CSMD1: variants seen among roughly 807,000 people sequenced by gnomAD.
The protein encoded by CSMD1 is CUB and Sushi multiple domains 1.
CSMD1 carries 213 observed loss-of-function variants against 417.5 expected under a neutral mutation model. That is an observed-to-expected ratio of 0.51 (90% CI 0.46 to 0.57). The LOEUF (loss-of-function observed/expected upper bound fraction) is 0.57. Ranked by LOEUF, CSMD1 falls within the 20% of genes least tolerant of loss-of-function variation. The pLI, the probability that CSMD1 is intolerant of heterozygous loss-of-function variation, is 0.00. For missense variants in CSMD1, 6,923 were observed against 4,529.7 expected, an observed-to-expected ratio of 1.53 and a Z score of -15.17; for synonymous variants, 2,862 against 1,736.8, an observed-to-expected ratio of 1.65 and a Z score of -16.11.
chr8:3,520,810 C>T (rs543664060), intron 10 of CSMD1, among the ~76,000 whole-genome samples: 1 of 152,254 alleles, frequency 6.6e-6, no homozygotes, highest in East Asian at 1.9e-4. Context: ...AGGAAATCTC[C>T]ACTAGGAAAC....
intron 3 of CSMD1, among the ~76,000 whole-genome samples, chr8:4,350,331 G>A (rs142708227): frequency 9.2e-5 from 14 of 152,232 alleles, no homozygotes; most frequent in African/African-American, 3.4e-4. Context: ...ACACACCTGA[G>A]GGGCACACAA....
At chr8:4,988,964 CA>C (rs898754012) in intron 1 of CSMD1, among the ~76,000 whole-genome samples, 1 of 152,182 alleles carries the variant, frequency 6.6e-6, no homozygotes, top group Non-Finnish European at 1.5e-5. Flanking sequence ...ACCTCAGTAT[CA>C]AGGACTAAAG....
chr8:3,303,920 ATAATAACTATTTT>A (rs1804607752), intron 25 of CSMD1, among the ~76,000 whole-genome samples: 1 of 74,316 alleles, frequency 1.3e-5, no homozygotes, highest in South Asian at 6.2e-4. Flanking sequence ...GTGCCCCATA[ATAATAACTATTTT>A]GGGGTATTGC....
rs371375502 is a variant in CSMD1 at position 3,808,536 on chromosome 8, T to C, written c.819-54494A>G. Among the ~76,000 whole-genome samples the C allele has an allele frequency of 7.2e-5, 11 of 152,350 alleles. No individual in the cohort carries two copies. The East Asian group carries it at 9.7e-4, about 13-fold the overall frequency. ...AGCATGCTACCGTGGTGAATTTACA[T>C]GCAAAGTCTGTCTCTCTTTATGATA... On this transcript the variant is annotated intron_variant, in intron 5 of 69. Transcript: ENST00000635120.
intron 3 of CSMD1, among the ~76,000 whole-genome samples, chr8:4,402,112 T>C (rs1804685167): frequency 6.6e-6 from 1 of 152,088 alleles, no homozygotes; most frequent in Non-Finnish European, 1.5e-5. Flanking sequence ...GATGAACTTG[T>C]CTTCCATTCT....
At chr8:3,946,982 A>G (rs1811270890) in intron 5 of CSMD1, among the ~76,000 whole-genome samples, 1 of 152,186 alleles carries the variant, frequency 6.6e-6, no homozygotes, top group Admixed American at 6.5e-5. Context: ...CACATCATAT[A>G]AATAAATACG....
intron 68 of CSMD1, among the ~76,000 whole-genome samples, chr8:2,947,060 T>G (rs929722696): frequency 6.6e-6 from 1 of 152,228 alleles, no homozygotes; most frequent in African/African-American, 2.4e-5. Flanking sequence ...AATTTCTTAT[T>G]TAGGTTATTT....
intron 3 of CSMD1, among the ~76,000 whole-genome samples, chr8:4,264,800 A>G (rs1804137063): frequency 1.3e-5 from 2 of 152,180 alleles, no homozygotes. Flanking sequence ...GGACAAGTTA[A>G]TTCTTCTTGT....
chr8:4,205,978 C>G (rs994939369), intron 3 of CSMD1, among the ~76,000 whole-genome samples: 4 of 152,152 alleles, frequency 2.6e-5, no homozygotes, highest in Admixed American at 6.6e-5. Context: ...TTTCCATTCT[C>G]TCTACTTCAG....
chr8:3,383,686 T>G (rs531641663), intron 18 of CSMD1, among the ~76,000 whole-genome samples: 2 of 50,054 alleles, frequency 4.0e-5, no homozygotes, highest in South Asian at 9.3e-4. Flanking sequence ...GAACTGTATC[T>G]AAATATTTAC....
At chr8:4,045,101 G>C (rs1437861996) in intron 3 of CSMD1, among the ~76,000 whole-genome samples, 1 of 152,198 alleles carries the variant, frequency 6.6e-6, no homozygotes, top group Non-Finnish European at 1.5e-5. Flanking sequence ...GGGGCACAGG[G>C]AGACACTGAA....
chr8:4,063,176 T>C (rs1353956986), intron 3 of CSMD1, among the ~76,000 whole-genome samples: 2 of 152,146 alleles, frequency 1.3e-5, no homozygotes, highest in Non-Finnish European at 2.9e-5. Flanking sequence ...ATGTTGACAG[T>C]AATGGATATC....
intron 5 of CSMD1, among the ~76,000 whole-genome samples, chr8:3,834,692 G>T (rs903463245): frequency 6.6e-6 from 1 of 151,998 alleles, no homozygotes; most frequent in African/African-American, 2.4e-5. Flanking sequence ...CGTGTAGTTG[G>T]TGTCAAAAGT....
chr8:4,120,110 T>G (rs1802397058), intron 3 of CSMD1, among the ~76,000 whole-genome samples: 1 of 152,170 alleles, frequency 6.6e-6, no homozygotes, highest in South Asian at 2.1e-4. Flanking sequence ...GGACACCCCA[T>G]TATCCATGAT....
intron 3 of CSMD1, among the ~76,000 whole-genome samples, chr8:4,134,723 C>T (rs773087417): frequency 5.3e-5 from 8 of 152,192 alleles, no homozygotes; most frequent in Non-Finnish European, 8.8e-5. Context: ...CCTCTTACTA[C>T]AAGAGTCTCC....
At chr8:3,103,853 C>T (rs1271336987) in intron 46 of CSMD1, among the ~76,000 whole-genome samples, 1 of 152,108 alleles carries the variant, frequency 6.6e-6, no homozygotes, top group East Asian at 1.9e-4. Context: ...CAGTGATTCT[C>T]CTGCCTCAGC....
chr8:4,212,008 C>T (rs928620511), intron 3 of CSMD1, among the ~76,000 whole-genome samples: 1 of 152,062 alleles, frequency 6.6e-6, no homozygotes, highest in Non-Finnish European at 1.5e-5. Flanking sequence ...GCAGTTGAAA[C>T]TTGCATTTGT....
chr8:3,923,121 C>G (rs1327320518), intron 5 of CSMD1, among the ~76,000 whole-genome samples: 1 of 152,108 alleles, frequency 6.6e-6, no homozygotes, highest in East Asian at 1.9e-4. Flanking sequence ...CCAAACAACT[C>G]ATTAAAAGAG....
intron 1 of CSMD1, among the ~76,000 whole-genome samples, chr8:4,941,233 T>C (rs898229060): frequency 4.0e-5 from 6 of 151,698 alleles, no homozygotes; most frequent in African/African-American, 9.7e-5. Context: ...CATTGTAACA[T>C]TGTAACACTC....
Sources: allele counts gnomAD v4.1 joint callset (sites outside exome capture counted in the v4.1 genomes callset), GRCh38; gene constraint gnomAD v4.1.1; transcripts MANE v1.5; gene names NCBI Gene and HGNC (gene_info 2026-07-23, HGNC 2026-07-21).